The following MARCHF1 variants were observed in gnomAD, a reference collection of about 807,000 sequenced individuals.
MARCHF1 encodes the protein E3 ubiquitin-protein ligase MARCHF1.
Under a neutral mutation model 54.2 loss-of-function variants are expected in MARCHF1, and 40 were observed. The ratio of observed to expected loss-of-function variants is 0.74; its 90% confidence interval spans 0.57 to 0.96. MARCHF1 has a LOEUF of 0.96. MARCHF1 is among the 40% of genes least tolerant of loss of function. The pLI is 0.00. For missense variants in MARCHF1, 586 were observed against 656.5 expected, an observed-to-expected ratio of 0.89 and a Z score of 1.17; for synonymous variants, 236 against 236.3, an observed-to-expected ratio of 1.00 and a Z score of 0.01.
chr4:164,202,626 T>C (rs965304366), intron 1 of MARCHF1, among the ~76,000 whole-genome samples: 1 of 152,206 alleles, frequency 6.6e-6, no homozygotes, highest in African/African-American at 2.4e-5. Context: ...GCATAGCTAG[T>C]ACTCAAACCA....
intron 1 of MARCHF1, among the ~76,000 whole-genome samples, chr4:164,227,962 G>A (rs936423950): frequency 1.3e-5 from 2 of 151,860 alleles, no homozygotes; most frequent in Non-Finnish European, 2.9e-5. Flanking sequence ...ATGTAACCTT[G>A]GACAACAAGT....
At chr4:164,306,816 G>C (rs1234878498) in intron 1 of MARCHF1, among the ~76,000 whole-genome samples, 1 of 152,044 alleles carries the variant, frequency 6.6e-6, no homozygotes, top group African/African-American at 2.4e-5. Flanking sequence ...TATAAATTTA[G>C]CCTCTTATAC....
chr4:163,578,878 A>C (rs1477561056), intron 8 of MARCHF1, among the ~76,000 whole-genome samples: 2 of 152,172 alleles, frequency 1.3e-5, no homozygotes, highest in Non-Finnish European at 1.5e-5. Context: ...AAGTTGAGAG[A>C]ATTTAATAAA....
intron 2 of MARCHF1, among the ~76,000 whole-genome samples, chr4:164,031,384 A>T (rs1366517793): frequency 1.3e-5 from 2 of 150,380 alleles, no homozygotes; most frequent in Non-Finnish European, 3.0e-5. Flanking sequence ...TCTCTCTTTT[A>T]TTCTTTATTA....
At chr4:164,097,189 A>C (rs1755434294) in intron 2 of MARCHF1, among the ~76,000 whole-genome samples, 2 of 152,290 alleles carry the variant, frequency 1.3e-5, no homozygotes, top group South Asian at 4.1e-4. Context: ...TGCCTAAAAT[A>C]AGTGTATTTT....
intron 8 of MARCHF1, among the ~76,000 whole-genome samples, chr4:163,556,653 C>T (rs543678750): frequency 6.6e-5 from 10 of 151,434 alleles, no homozygotes; most frequent in African/African-American, 2.2e-4. Context: ...TATATTTGTA[C>T]ATATATTCTA....
chr4:163,589,082 A>AC (rs893229509), intron 7 of MARCHF1, among the ~76,000 whole-genome samples: 1 of 151,650 alleles, frequency 6.6e-6, no homozygotes, highest in African/African-American at 2.4e-5. Flanking sequence ...AAAAAAAAAA[A>AC]AAAACTGCAG....
At chr4:164,304,807 G>T (rs1734656278) in intron 1 of MARCHF1, among the ~76,000 whole-genome samples, 1 of 152,104 alleles carries the variant, frequency 6.6e-6, no homozygotes, top group African/African-American at 2.4e-5. Context: ...AAATACCAGG[G>T]CTGTGTTTTT....
chr4:164,034,679 G>C (rs909120107), intron 2 of MARCHF1, among the ~76,000 whole-genome samples: 1 of 151,788 alleles, frequency 6.6e-6, no homozygotes, highest in Non-Finnish European at 1.5e-5. Flanking sequence ...TTATTATTTA[G>C]ATTTTGGAAA....
At chr4:163,723,941 GT>G (rs1745566000) in intron 4 of MARCHF1, among the ~76,000 whole-genome samples, 1 of 152,086 alleles carries the variant, frequency 6.6e-6, no homozygotes, top group African/African-American at 2.4e-5. Context: ...TTTTTTCAAG[GT>G]TTTTAGCTTC....
intron 3 of MARCHF1, among the ~76,000 whole-genome samples, chr4:163,856,166 G>T (rs950132818): frequency 1.3e-5 from 2 of 151,968 alleles, no homozygotes; most frequent in Non-Finnish European, 2.9e-5. Context: ...AAATCATCAT[G>T]AAAAAAGCTA....
At chr4:163,844,085 T>TA (rs1163545937) in intron 4 of MARCHF1, among the ~76,000 whole-genome samples, 1 of 152,068 alleles carries the variant, frequency 6.6e-6, no homozygotes, top group Non-Finnish European at 1.5e-5. Flanking sequence ...ACCCAAGTAT[T>TA]AAGCCTAGTA....
Position 163,700,798 on chromosome 4 carries a change from G to A in MARCHF1, c.162+15C>T. ...TGCAGAAGTCAACAAACAAGAAAAT[G>A]AGTACTTCACCTACTTTTGAAATGT... On this transcript the variant is annotated intron_variant, in intron 5 of 9. Coordinates refer to ENST00000514618, the MANE Select transcript of MARCHF1 (RefSeq NM_001394959.1). 2.0e-6 allele frequency: 3 copies of A among 1,532,272 alleles called. No individual in the cohort carries two copies. The highest frequency in any genetic ancestry group is 1.8e-6 in the Non-Finnish European group (2 of 1,142,770). The allele number at this position is 1,532,272 out of a possible 1,614,324, so 94.9% of individuals were successfully genotyped here.
intron 3 of MARCHF1, among the ~76,000 whole-genome samples, chr4:163,946,152 A>G (rs1251820912): frequency 6.6e-6 from 1 of 152,220 alleles, no homozygotes; most frequent in Non-Finnish European, 1.5e-5. Flanking sequence ...GGCACTTGGT[A>G]TATCAGTGAA....
chr4:164,370,381 G>A (rs189174023), intron 1 of MARCHF1, among the ~76,000 whole-genome samples: 259 of 152,214 alleles, frequency 1.7e-3, no homozygotes, highest in Non-Finnish European at 2.5e-3. Context: ...ATAGAGGAGC[G>A]GTGGCCATCA....
chr4:164,337,265 A>G (rs1181679829), intron 1 of MARCHF1, among the ~76,000 whole-genome samples: 1 of 152,232 alleles, frequency 6.6e-6, no homozygotes, highest in East Asian at 1.9e-4. Context: ...GTGTCCCCCA[A>G]AGAAGTTCCA....
intron 1 of MARCHF1, among the ~76,000 whole-genome samples, chr4:164,343,116 G>C (rs1463275514): frequency 3.9e-5 from 6 of 152,136 alleles, no homozygotes; most frequent in African/African-American, 1.4e-4. Context: ...AATTTGCTAA[G>C]AGAGTAGCTC....
chr4:164,354,180 AGGTACAAGGAGGAACT>A (rs1251978180), intron 1 of MARCHF1, among the ~76,000 whole-genome samples: 1 of 110,562 alleles, frequency 9.0e-6, no homozygotes, highest in East Asian at 2.8e-4. Context: ...ATTCTACCAG[AGGTACAAGGAGGAACT>A]GGTACCATTC....
chr4:164,264,036 T>G (rs547647760), intron 1 of MARCHF1, among the ~76,000 whole-genome samples: 1 of 152,270 alleles, frequency 6.6e-6, no homozygotes, highest in African/African-American at 2.4e-5. Context: ...TAAAGACACA[T>G]GCATACAAAT....
Sources: allele counts gnomAD v4.1 joint callset (sites outside exome capture counted in the v4.1 genomes callset), GRCh38; gene constraint gnomAD v4.1.1; transcripts MANE v1.5; gene names NCBI Gene and HGNC (gene_info 2026-07-23, HGNC 2026-07-21).